NRXN3: variants seen among roughly 807,000 people sequenced by gnomAD.
NRXN3 encodes neurexin 3, also known as neurexin III.
In NRXN3, 32 loss-of-function variants were observed where a neutral mutation model predicts 137.6. That is an observed-to-expected ratio of 0.23 (90% CI 0.18 to 0.31). NRXN3 has a LOEUF of 0.31. Among genes scored for constraint, NRXN3 ranks in the 10% least tolerant of loss-of-function variants. The pLI, the probability that NRXN3 is intolerant of heterozygous loss-of-function variation, is 1.00. For synonymous variants in NRXN3, 798 were observed against 784.5 expected (o/e 1.02, Z -0.29); for missense variants, 1,574 against 2,062.5 (o/e 0.76, Z 4.59).
intron 4 of NRXN3, among the ~76,000 whole-genome samples, chr14:78,578,800 A>G (rs1314172301): frequency 2.6e-5 from 4 of 152,150 alleles, no homozygotes; most frequent in African/African-American, 9.7e-5. Context: ...AACGTGAACT[A>G]GTGGGTACAA....
At chr14:78,244,781 G>A (rs1480695932) in intron 2 of NRXN3, among the ~76,000 whole-genome samples, 5 of 152,214 alleles carry the variant, frequency 3.3e-5, no homozygotes, top group Non-Finnish European at 7.3e-5. Flanking sequence ...AAGAGGCACA[G>A]AGATTGACTG....
intron 19 of NRXN3, among the ~76,000 whole-genome samples, chr14:79,762,358 T>C (rs1241469680): frequency 2.0e-5 from 3 of 151,692 alleles, no homozygotes; most frequent in Non-Finnish European, 4.4e-5. Flanking sequence ...AGAAAGTGTG[T>C]CGAAGCAGAT....
At chr14:78,388,787 G>T (rs752200296) in intron 4 of NRXN3, among the ~76,000 whole-genome samples, 64 of 152,198 alleles carry the variant, frequency 4.2e-4, no homozygotes, top group Non-Finnish European at 7.5e-4. Context: ...GCATTTTGCT[G>T]TGTTTACTTC....
intron 4 of NRXN3, among the ~76,000 whole-genome samples, chr14:78,365,372 G>A (rs2085765143): frequency 6.6e-6 from 1 of 152,136 alleles, no homozygotes; most frequent in Non-Finnish European, 1.5e-5. Context: ...CAGGTCAGCT[G>A]AGCAGAGTAA....
intron 4 of NRXN3, among the ~76,000 whole-genome samples, chr14:78,388,206 G>C (rs1316091067): frequency 6.6e-6 from 1 of 152,136 alleles, no homozygotes; most frequent in African/African-American, 2.4e-5. Context: ...ATCACCTAGA[G>C]AGTAAGTGAT....
intron 16 of NRXN3, among the ~76,000 whole-genome samples, chr14:79,503,743 C>T (rs1344063037): frequency 6.6e-6 from 1 of 152,124 alleles, no homozygotes; most frequent in African/African-American, 2.4e-5. Flanking sequence ...TTCCCAGTGT[C>T]TCATAGACCT....
chr14:79,841,383 A>G (rs189991220), intron 20 of NRXN3, among the ~76,000 whole-genome samples: 4 of 152,170 alleles, frequency 2.6e-5, no homozygotes, highest in African/African-American at 7.2e-5. Flanking sequence ...CTACCACCCA[A>G]CGGGATCCCA....
chr14:79,394,939 G>A (rs772845722), intron 15 of NRXN3, among the ~76,000 whole-genome samples: 12 of 152,134 alleles, frequency 7.9e-5, no homozygotes, highest in Non-Finnish European at 1.5e-4. Flanking sequence ...TAAAGAGCCC[G>A]CATTCTTCTT....
chr14:79,221,451 T>C (rs1348030063), intron 15 of NRXN3, among the ~76,000 whole-genome samples: 1 of 152,194 alleles, frequency 6.6e-6, no homozygotes, highest in Non-Finnish European at 1.5e-5. Context: ...CTATTCTAAC[T>C]GGCGTGAGAT....
chr14:79,533,678 T>C (rs139176349), intron 16 of NRXN3, among the ~76,000 whole-genome samples: 21 of 152,176 alleles, frequency 1.4e-4, no homozygotes, highest in Admixed American at 2.6e-4. Context: ...ATTGATTGTC[T>C]GGGGTAAGGT....
Position 78,552,045 on chromosome 14 carries a change from A to T in NRXN3, c.758-93075A>T, listed in dbSNP as rs1259909224. ...AGTGGTGGTTCTGAATCAAAAGATC[A>T]GTGTAGAGGCTTGGAGTGGCATTTG... On this transcript the variant is annotated intron_variant, in intron 4 of 20. Coordinates refer to ENST00000335750, the MANE Select transcript of NRXN3 (RefSeq NM_001330195.2). Among the ~76,000 whole-genome samples, 6 of 152,226 alleles carry T rather than the reference A, an allele frequency of 3.9e-5. No individual in the cohort carries two copies. The East Asian group carries it at 1.2e-3, about 30-fold the overall frequency.
intron 16 of NRXN3, among the ~76,000 whole-genome samples, chr14:79,661,417 A>G (rs1251654914): frequency 6.6e-6 from 1 of 152,178 alleles, no homozygotes; most frequent in Non-Finnish European, 1.5e-5. Flanking sequence ...TCTAAGATCA[A>G]GACTTCTGCA....
chr14:79,672,717 A>T (rs1485815937), intron 17 of NRXN3, among the ~76,000 whole-genome samples: 1 of 152,032 alleles, frequency 6.6e-6, no homozygotes, highest in African/African-American at 2.4e-5. Flanking sequence ...ACTTAGAATT[A>T]TTATCCCAGC....
chr14:78,559,189 A>G (rs908664599), intron 4 of NRXN3, among the ~76,000 whole-genome samples: 4 of 152,164 alleles, frequency 2.6e-5, no homozygotes, highest in African/African-American at 9.7e-5. Flanking sequence ...TAGCTTTTAT[A>G]TATATCTTTA....
chr14:78,878,503 T>C (rs1332128965), intron 10 of NRXN3, among the ~76,000 whole-genome samples: 1 of 152,194 alleles, frequency 6.6e-6, no homozygotes, highest in African/African-American at 2.4e-5. Flanking sequence ...AGAAATTTTT[T>C]TTCTATTGTA....
chr14:78,804,450 A>T (rs2153083334), intron 9 of NRXN3, among the ~76,000 whole-genome samples: 1 of 152,264 alleles, frequency 6.6e-6, no homozygotes, highest in Non-Finnish European at 1.5e-5. Flanking sequence ...GTGTCTCCTG[A>T]TACGTATACC....
intron 4 of NRXN3, among the ~76,000 whole-genome samples, chr14:78,346,480 T>G (rs1219889899): frequency 2.0e-5 from 3 of 152,164 alleles, no homozygotes; most frequent in Non-Finnish European, 2.9e-5. Flanking sequence ...CTTGAAACAG[T>G]TGCAGTGGCC....
At chr14:79,325,182 C>A (rs554790753) in intron 15 of NRXN3, among the ~76,000 whole-genome samples, 33 of 152,162 alleles carry the variant, frequency 2.2e-4, no homozygotes, top group East Asian at 2.1e-3. Context: ...TTGCTTACTT[C>A]TTTCCTTTAA....
At chr14:78,486,895 C>T (rs1408790279) in intron 4 of NRXN3, among the ~76,000 whole-genome samples, 1 of 152,114 alleles carries the variant, frequency 6.6e-6, no homozygotes, top group Non-Finnish European at 1.5e-5. Context: ...TTCCTAACCA[C>T]CAAACAGATG....
Sources: gnomAD v4.1 joint callset for allele counts (sites outside exome capture counted in the v4.1 genomes callset) on GRCh38, gnomAD v4.1.1 for gene constraint, MANE v1.5 for transcripts, NCBI Gene and HGNC (gene_info 2026-07-23, HGNC 2026-07-21) for gene names.